MTHFD1: variants seen among roughly 807,000 people sequenced by gnomAD.
MTHFD1 encodes the protein C-1-tetrahydrofolate synthase, cytoplasmic.
In MTHFD1, 44 loss-of-function variants were observed where a neutral mutation model predicts 110.3. The ratio of observed to expected loss-of-function variants is 0.40; its 90% CI spans 0.31 to 0.51. MTHFD1 has a LOEUF of 0.51. MTHFD1 is among the 20% of genes least tolerant of loss of function. The pLI is 0.60. For synonymous variants in MTHFD1, 402 were observed against 428.8 expected (o/e 0.94, Z 0.77); for missense variants, 909 against 1,173.1 (o/e 0.77, Z 3.29).
intron 21 of MTHFD1, among the ~76,000 whole-genome samples, chr14:64,442,831 C>T (rs1257992071): frequency 1.3e-5 from 2 of 152,090 alleles, no homozygotes; most frequent in African/African-American, 4.8e-5. Context: ...GACAGGGCCT[C>T]CACACCCTAG....
At chr14:64,445,252 A>G in intron 22 of MTHFD1, 1 of 175,106 alleles carries the variant, frequency 5.7e-6, no homozygotes, top group Non-Finnish European at 1.2e-5. Flanking sequence ...TCAGATCAGA[A>G]GCAAGTAGAG....
intron 17 of MTHFD1, among the ~76,000 whole-genome samples, chr14:64,439,818 C>T (rs1372978899): frequency 6.8e-6 from 1 of 147,052 alleles, no homozygotes; most frequent in Non-Finnish European, 1.5e-5. Flanking sequence ...TGCCTGAACC[C>T]AGGAGGTGGA....
intron 21 of MTHFD1, among the ~76,000 whole-genome samples, chr14:64,443,008 CT>C (rs1426956479): frequency 6.6e-6 from 1 of 152,152 alleles, no homozygotes; most frequent in Non-Finnish European, 1.5e-5. Flanking sequence ...ATTTTAACAC[CT>C]TTTCTTTAGG....
At chr14:64,392,452 A>T (rs1167020735) in intron 1 of MTHFD1, among the ~76,000 whole-genome samples, 6 of 152,132 alleles carry the variant, frequency 3.9e-5, no homozygotes, top group African/African-American at 1.4e-4. Flanking sequence ...TCCTTCCCTT[A>T]GTTTGCTATA....
At chr14:64,389,859 A>G (rs2077790821) in intron 1 of MTHFD1, among the ~76,000 whole-genome samples, 1 of 152,226 alleles carries the variant, frequency 6.6e-6, no homozygotes, top group South Asian at 2.1e-4. Context: ...TAATATAAAA[A>G]TCTTCCTTTT....
At chr14:64,423,995 T>G (rs1008657843) in intron 8 of MTHFD1, among the ~76,000 whole-genome samples, 2 of 152,164 alleles carry the variant, frequency 1.3e-5, no homozygotes, top group African/African-American at 4.8e-5. Flanking sequence ...CCAAAGTGCC[T>G]GCTAATCTCT....
At chr14:64,434,821 G>GT (rs34280342) in intron 15 of MTHFD1, among the ~76,000 whole-genome samples, 13,200 of 128,846 alleles carry the variant, frequency 0.1, 884 homozygotes, top group African/African-American at 0.2. Context: ...GATGAATTCT[G>GT]TTTTTTTTTT....
intron 1 of MTHFD1, among the ~76,000 whole-genome samples, chr14:64,397,361 C>G (rs1349401827): frequency 1.3e-5 from 2 of 149,828 alleles, no homozygotes; most frequent in African/African-American, 4.9e-5. Context: ...GGCGCGATCT[C>G]TGCTCACTGC....
At position 64,412,458 on chromosome 14, in the gene MTHFD1, T is replaced by C. The variant is rs2140953942; in HGVS notation, c.187-14T>C. 1.1e-5 allele frequency: 18 copies of C among 1,605,968 alleles called. No homozygotes were observed. Among genetic ancestry groups the C allele is most frequent in the Non-Finnish European group, 1.5e-5 (18 of 1,172,548 alleles). ...TGTCTTGCCATTTACCTGCTTTTAA[T>C]GTCTGTTTTGCAGATTGGGATCAAA... On this transcript the variant is annotated splice_polypyrimidine_tract_variant and intron_variant, in intron 3 of 27. Coordinates refer to ENST00000652337, the MANE Select transcript of MTHFD1 (RefSeq NM_005956.4).
At chr14:64,400,035 A>G (rs1421087623) in intron 1 of MTHFD1, among the ~76,000 whole-genome samples, 3 of 152,204 alleles carry the variant, frequency 2.0e-5, no homozygotes, top group Non-Finnish European at 2.9e-5. Flanking sequence ...TTAGGTTCCC[A>G]AAGTACTGAG....
chr14:64,391,600 G>A (rs1406588112), intron 1 of MTHFD1, among the ~76,000 whole-genome samples: 1 of 152,172 alleles, frequency 6.6e-6, no homozygotes, highest in Non-Finnish European at 1.5e-5. Context: ...CATCAACAAA[G>A]TTCAGCATTC....
intron 11 of MTHFD1, among the ~76,000 whole-genome samples, chr14:64,426,748 C>T (rs192216685): frequency 1.3e-3 from 194 of 152,220 alleles, no homozygotes; most frequent in Admixed American, 2.5e-3. Context: ...GGATTACAGG[C>T]GTGAGCCACC....
At chr14:64,422,783 C>CA (rs1245172322) in intron 8 of MTHFD1, among the ~76,000 whole-genome samples, 1 of 152,022 alleles carries the variant, frequency 6.6e-6, no homozygotes, top group East Asian at 1.9e-4. Flanking sequence ...GGTAGATAAC[C>CA]AAAAGGTTTG....
intron 18 of MTHFD1, chr14:64,440,499 G>GT: frequency 1.7e-6 from 1 of 573,586 alleles, no homozygotes; most frequent in Non-Finnish European, 3.2e-6. Context: ...GATGATTTGA[G>GT]TAACATCTTC....
chr14:64,404,193 C>T (rs1169241907), intron 2 of MTHFD1, among the ~76,000 whole-genome samples: 1 of 152,212 alleles, frequency 6.6e-6, no homozygotes, highest in African/African-American at 2.4e-5. Context: ...TCTATCAGGC[C>T]AGTGACTTCT....
rs1490837671 is a variant in MTHFD1, at chr14:64,441,995, T to G, written c.1885-59T>G. The G allele has an allele frequency of 2.7e-6, 3 of 1,095,600 alleles. No individual in the cohort carries two copies. In the Admixed American group the frequency reaches 5.2e-5, roughly 19 times the overall value. 67.9% of individuals were successfully genotyped at this position (1,095,600 alleles called of 1,614,324 possible). A position where few individuals can be genotyped will look rare whatever the true frequency, so the allele number is the denominator to read the frequency against. The stretch of plus-strand genomic sequence containing the variant: ...CAAATCAATTCCATACCGTTGAATG[T>G]GTGATCCCACTTTGAAGCAGGATTG... On this transcript the variant is annotated intron_variant, in intron 19 of 27. Coordinates refer to ENST00000652337, the MANE Select transcript of MTHFD1 (RefSeq NM_005956.4).
At chr14:64,441,527 C>A in intron 19 of MTHFD1, 74 bp downstream of exon 19, 2 of 1,431,434 alleles carry the variant, frequency 1.4e-6, no homozygotes, top group Middle Eastern at 2.0e-4. Context: ...AGCACACTTG[C>A]AAGGCGCGGT....
chr14:64,426,320 G>A, intron 11 of MTHFD1, 128 bp downstream of exon 11: 13 of 994,406 alleles, frequency 1.3e-5, no homozygotes, highest in Non-Finnish European at 2.0e-5. Context: ...ACCCGTATTT[G>A]ATCTCATTTG....
In MTHFD1 at chr14:64,426,161, C is replaced by T. The variant is rs139612806; in HGVS notation, c.1096C>T (p.Arg366Trp). The change falls in exon 11 of 28, where the codon CGG becomes TGG. Residue 366 changes from arginine to tryptophan, a missense_variant. Physicochemically the swap from Arg to Trp is moderately radical, Grantham distance 101 (BLOSUM62 -3). This residue lies in a region of MTHFD1 where 424 missense variants were observed against 510.4 expected (regional missense o/e 0.83). Coordinates refer to ENST00000652337, the MANE Select transcript of MTHFD1 (RefSeq NM_005956.4). ...GTCAGCACTAGAACGCCTGAAGCAC[C>T]GGCCTGATGGGAAATACGTGGTGGT... Reference protein sequence around the residue: ...LLSALERLKHRPDGKYVVVTG... With the variant: ...LLSALERLKHWPDGKYVVVTG... The T allele has an allele frequency of 4.6e-5, 74 of 1,613,960 alleles. No individual in the cohort carries two copies. The highest frequency in any genetic ancestry group is 3.2e-4 in the Admixed American group (19 of 59,988).
Sources: allele counts gnomAD v4.1 joint callset (sites outside exome capture counted in the v4.1 genomes callset), GRCh38; gene constraint gnomAD v4.1.1; regional missense constraint gnomAD v4.1.1; transcripts MANE v1.5; gene names NCBI Gene and HGNC (gene_info 2026-07-23, HGNC 2026-07-21).